The following OR51E2 variants were observed in gnomAD, a reference collection of about 807,000 sequenced individuals.
The protein encoded by OR51E2 is olfactory receptor 51E2.
Under a neutral mutation model 13.7 loss-of-function variants are expected in OR51E2, and 14 were observed. That is an observed-to-expected ratio of 1.02 (90% CI 0.68 to 1.60). OR51E2 has a LOEUF of 1.60. Ranked by LOEUF, OR51E2 falls within the 40% of genes most tolerant of loss-of-function variation. The pLI, the probability that OR51E2 is intolerant of heterozygous loss-of-function variation, is 0.00. For synonymous variants in OR51E2, 180 were observed against 157.6 expected, an observed-to-expected ratio of 1.14 and a Z score of -1.07; for missense variants, 483 against 413.8, an observed-to-expected ratio of 1.17 and a Z score of -1.45.
At chr11:4,694,337 A>G (rs1449865723) in intron 1 of OR51E2, among the ~76,000 whole-genome samples, 1 of 151,898 alleles carries the variant, frequency 6.6e-6, no homozygotes, top group Admixed American at 6.6e-5. Flanking sequence ...CTTTACAAGC[A>G]TATCTTCCTG....
intron 1 of OR51E2, among the ~76,000 whole-genome samples, chr11:4,697,104 A>G (rs1847664478): frequency 2.0e-5 from 3 of 152,228 alleles, no homozygotes; most frequent in Admixed American, 2.0e-4. Context: ...TTTTTCTGGT[A>G]AAGACACTGA....
In OR51E2 at chr11:4,682,931, G is replaced by A. The variant is rs913171265; in HGVS notation, c.-50-170C>T. 2.1e-4 allele frequency among the ~76,000 whole-genome samples: 32 copies of A among 152,158 alleles called. 1 individual carries two copies. The highest frequency in any genetic ancestry group is 7.0e-4 in the African/African-American group (29 of 41,440). On this transcript the variant is annotated intron_variant, in intron 1 of 1. Coordinates refer to ENST00000396950, the MANE Select transcript of OR51E2 (RefSeq NM_030774.4). ...TCATTTATGCATCACTACTCTCAAG[G>A]TTTATTTAAATTTTTAAAAGGGAAT...
At chr11:4,691,787 T>G (rs1564887613) in intron 1 of OR51E2, 1 of 318,906 alleles carries the variant, frequency 3.1e-6, no homozygotes, top group Non-Finnish European at 6.1e-6. Flanking sequence ...TAAAATAATT[T>G]TATTGTACAG....
intron 1 of OR51E2, among the ~76,000 whole-genome samples, chr11:4,686,732 C>T (rs1203635219): frequency 6.6e-6 from 1 of 152,148 alleles, no homozygotes; most frequent in East Asian, 1.9e-4. Context: ...GTTCACGTAG[C>T]TACAACAGTG....
chr11:4,691,773 G>A (rs1466618706), intron 1 of OR51E2: 7 of 317,222 alleles, frequency 2.2e-5, no homozygotes, highest in South Asian at 1.1e-4. Context: ...TGTATTGATC[G>A]AATTAAAATA....
At chr11:4,687,769 GAGA>G (rs1379865457) in intron 1 of OR51E2, among the ~76,000 whole-genome samples, 1 of 152,144 alleles carries the variant, frequency 6.6e-6, no homozygotes, top group Non-Finnish European at 1.5e-5. Flanking sequence ...TGTCTTGAGA[GAGA>G]AGAACAAGGT....
intron 1 of OR51E2, among the ~76,000 whole-genome samples, chr11:4,695,164 G>A (rs1847640923): frequency 6.6e-6 from 1 of 152,168 alleles, no homozygotes; most frequent in Admixed American, 6.5e-5. Flanking sequence ...TTTTTGCAGA[G>A]CATCAAGAGC....
Position 4,682,754 on chromosome 11 carries a change from C to G in OR51E2, c.-43G>C. ...GGTGACTGGAGAGGGTGAGGTCACA[C>G]TGGCAGTCTGCAGGGACATAGAGCA... On this transcript the variant is annotated 5_prime_UTR_variant, in exon 2 of 2. Coordinates refer to ENST00000396950, the MANE Select transcript of OR51E2 (RefSeq NM_030774.4). 5 of 1,587,640 alleles carry G rather than the reference C, an allele frequency of 3.1e-6. No homozygotes were observed. Among genetic ancestry groups the G allele is most frequent in the Non-Finnish European group, 4.3e-6 (5 of 1,166,418 alleles).
Position 4,697,776 on chromosome 11 carries a change from C to A in OR51E2, c.-174G>T, listed in dbSNP as rs991087679. 2 of 152,560 alleles carry A rather than the reference C, an allele frequency of 1.3e-5. No individual in the cohort carries two copies. The highest frequency in any genetic ancestry group is 2.4e-5 in the African/African-American group (1 of 41,444). 9.5% of individuals were successfully genotyped at this position (152,560 alleles called of 1,614,324 possible). On this transcript the variant is annotated 5_prime_UTR_variant, in exon 1 of 2. Coordinates refer to ENST00000396950, the MANE Select transcript of OR51E2 (RefSeq NM_030774.4). ...AGACTTATTCCAGCCTGACTGGAGA[C>A]AGGCACAGAGCTGAAAGGCCAATTC...
intron 1 of OR51E2, among the ~76,000 whole-genome samples, chr11:4,686,094 C>G (rs989140707): frequency 6.6e-6 from 1 of 152,134 alleles, no homozygotes; most frequent in Non-Finnish European, 1.5e-5. Flanking sequence ...ATTCTCAAGG[C>G]TAGTTTTGTG....
At chr11:4,693,960 T>C (rs987704649) in intron 1 of OR51E2, among the ~76,000 whole-genome samples, 2 of 152,168 alleles carry the variant, frequency 1.3e-5, no homozygotes, top group Admixed American at 6.5e-5. Context: ...CGATGAATAA[T>C]AAAAATGGTT....
At chr11:4,693,515 A>G (rs1847613269) in intron 1 of OR51E2, among the ~76,000 whole-genome samples, 1 of 152,124 alleles carries the variant, frequency 6.6e-6, no homozygotes, top group Non-Finnish European at 1.5e-5. Context: ...AGGTCAGGAG[A>G]TCGAGACCAT....
At chr11:4,689,410 G>T (rs1847551626) in intron 1 of OR51E2, among the ~76,000 whole-genome samples, 2 of 152,028 alleles carry the variant, frequency 1.3e-5, no homozygotes, top group Non-Finnish European at 2.9e-5. Context: ...TGAGGGAGAG[G>T]TATTGCTATT....
rs773693292 is a variant in OR51E2 at position 4,680,328 on chromosome 11, T to A, written c.*1421A>T. 3.3e-5 allele frequency: 5 copies of A among 152,230 alleles called. No homozygotes were observed. Among genetic ancestry groups the A allele is most frequent in the Non-Finnish European group, 5.9e-5 (4 of 68,010 alleles). 9.4% of individuals were successfully genotyped at this position (152,230 alleles called of 1,614,324 possible). On this transcript the variant is annotated 3_prime_UTR_variant, in exon 2 of 2. Transcript: ENST00000396950. ...AATAGACAACAACATTCTCCCTGAA[T>A]CTGGAAAAAAGCAAGCAATAAGATC...
intron 1 of OR51E2, among the ~76,000 whole-genome samples, chr11:4,697,033 A>G (rs1490720779): frequency 2.6e-5 from 4 of 152,212 alleles, no homozygotes; most frequent in African/African-American, 9.6e-5. Flanking sequence ...CTTTATAAGC[A>G]TTATTTTAAT....
chr11:4,690,662 G>C, intron 1 of OR51E2: 1 of 324,776 alleles, frequency 3.1e-6, no homozygotes. Context: ...AGCTTCAATG[G>C]GCACCAGTTC....
intron 1 of OR51E2, chr11:4,691,143 A>T: frequency 2.2e-6 from 1 of 456,726 alleles, no homozygotes; most frequent in South Asian, 1.6e-5. Context: ...TGAGAGCTTC[A>T]TCACATCAGG....
At chr11:4,689,304 A>G (rs1274361711) in intron 1 of OR51E2, among the ~76,000 whole-genome samples, 1 of 152,246 alleles carries the variant, frequency 6.6e-6, no homozygotes, top group African/African-American at 2.4e-5. Flanking sequence ...TGAGGAAACC[A>G]GAAAAGAAAC....
intron 1 of OR51E2, chr11:4,690,751 T>C (rs763552824): frequency 1.0e-5 from 4 of 392,142 alleles, no homozygotes; most frequent in South Asian, 7.8e-5. Context: ...GCTAGAATTC[T>C]ACAATTTTAT....
Sources: allele counts gnomAD v4.1 joint callset (sites outside exome capture counted in the v4.1 genomes callset), GRCh38; gene constraint gnomAD v4.1.1; transcripts MANE v1.5; gene names NCBI Gene and HGNC (gene_info 2026-07-23, HGNC 2026-07-21).